DTWD2: variants seen among roughly 807,000 people sequenced by gnomAD.
DTWD2 encodes tRNA-uridine aminocarboxypropyltransferase 2.
In DTWD2, 39 loss-of-function variants were observed where a neutral mutation model predicts 31.8. The ratio of observed to expected loss-of-function variants is 1.22; its 90% CI spans 0.95 to 1.60. The LOEUF (loss-of-function observed/expected upper bound fraction) is 1.60, where lower values mean the gene tolerates loss of function less well. DTWD2 is among the 40% of genes most tolerant of loss of function. The probability of loss-of-function intolerance (pLI) is 0.00; values close to 1 mark genes in which losing one functional copy is unlikely to be tolerated. For missense variants in DTWD2, 515 were observed against 381.5 expected (o/e 1.35, Z -2.92); for synonymous variants, 180 against 142.8 (o/e 1.26, Z -1.86).
intron 5 of DTWD2, among the ~76,000 whole-genome samples, chr5:118,845,089 G>C (rs753783131): frequency 7.9e-5 from 12 of 152,280 alleles, no homozygotes; most frequent in South Asian, 4.1e-4. Context: ...AGAAGTTGCA[G>C]TGAATCAAGA....
At position 118,950,296 on chromosome 5, in the gene DTWD2, C is replaced by T. The variant is rs566738644; in HGVS notation, c.219-5647G>A. On this transcript the variant is annotated intron_variant, in intron 1 of 5. Coordinates refer to ENST00000510708, the MANE Select transcript of DTWD2 (RefSeq NM_173666.4). ...GTTTTAAGAGGTTTAGAAGCCTGGCCATCAATACCTACAACAGTTATGGAG... is the reference window on the plus strand; with the variant it reads ...GTTTTAAGAGGTTTAGAAGCCTGGCTATCAATACCTACAACAGTTATGGAG... Among the ~76,000 whole-genome samples, 103 of 151,560 alleles carry T rather than the reference C, an allele frequency of 6.8e-4. 1 individual carries two copies. Among genetic ancestry groups the T allele is most frequent in the African/African-American group, 2.3e-3 (95 of 41,226 alleles).
chr5:118,939,380 TATGC>T (rs1257823610), intron 2 of DTWD2, 90 bp from the exon 3 acceptor site: 1 of 1,134,544 alleles, frequency 8.8e-7, no homozygotes, highest in Non-Finnish European at 1.2e-6. Context: ...TTCATAACTT[TATGC>T]ATAACTTTCA....
At chr5:118,885,456 CAAAA>C (rs34550372) in intron 4 of DTWD2, among the ~76,000 whole-genome samples, 1 of 57,510 alleles carries the variant, frequency 1.7e-5, no homozygotes. Flanking sequence ...GACTCCACCT[CAAAA>C]AAAAAAAAAA....
chr5:118,857,920 C>A (rs1185238109), intron 4 of DTWD2, among the ~76,000 whole-genome samples: 1 of 152,160 alleles, frequency 6.6e-6, no homozygotes, highest in Non-Finnish European at 1.5e-5. Context: ...CTGCCATCAT[C>A]AAGCGACTAC....
intron 1 of DTWD2, among the ~76,000 whole-genome samples, chr5:118,969,933 T>C (rs913278595): frequency 6.6e-6 from 1 of 152,098 alleles, no homozygotes; most frequent in African/African-American, 2.4e-5. Context: ...CTAAGAATCA[T>C]GATAAAACAA....
In DTWD2 at chr5:118,980,165, T is replaced by C. The variant is rs376043645; in HGVS notation, c.218+8129A>G. ...TTTTCAAAGGTATCTACATGGTGAA[T>C]AGCCCTGAAAGACAGATAAGGTCTC... On this transcript the variant is annotated intron_variant, in intron 1 of 5. Coordinates refer to ENST00000510708, the MANE Select transcript of DTWD2 (RefSeq NM_173666.4). Among the ~76,000 whole-genome samples, 140 of 152,320 alleles carry C rather than the reference T, an allele frequency of 9.2e-4. 1 individual carries two copies. Among genetic ancestry groups the C allele is most frequent in the Non-Finnish European group, 1.7e-3 (117 of 68,022 alleles).
At chr5:118,954,601 C>T (rs530427779) in intron 1 of DTWD2, among the ~76,000 whole-genome samples, 64 of 152,284 alleles carry the variant, frequency 4.2e-4, no homozygotes, top group African/African-American at 1.4e-3. Context: ...GCAACCTCCG[C>T]CTCCCAATTC....
intron 4 of DTWD2, among the ~76,000 whole-genome samples, chr5:118,877,897 C>A (rs569421025): frequency 3.7e-4 from 57 of 152,250 alleles, no homozygotes; most frequent in South Asian, 6.2e-4. Context: ...TATACACCAA[C>A]AACAGTTAAG....
intron 1 of DTWD2, among the ~76,000 whole-genome samples, chr5:118,946,869 T>C (rs957622774): frequency 3.3e-5 from 5 of 152,182 alleles, no homozygotes; most frequent in African/African-American, 1.2e-4. Flanking sequence ...CCCTCCTGAA[T>C]AGCTGAGATT....
chr5:118,847,958 A>C (rs1018295999), intron 5 of DTWD2, 132 bp downstream of exon 5: 13 of 996,574 alleles, frequency 1.3e-5, no homozygotes, highest in Non-Finnish European at 1.7e-5. Flanking sequence ...AGGTTATAAA[A>C]GTACATAAAT....
rs144297764 is a variant in DTWD2, at chr5:118,931,335, C to T, written c.405-2606G>A. The stretch of plus-strand genomic sequence containing the variant: ...GCTTGAGCCTGGGAGGTCAAGGCTA[C>T]AGTGAGTGAACCATGATTGTGCCAC... On this transcript the variant is annotated intron_variant, in intron 3 of 5. Coordinates refer to ENST00000510708, the MANE Select transcript of DTWD2 (RefSeq NM_173666.4). 4.2e-3 allele frequency among the ~76,000 whole-genome samples: 618 copies of T among 145,538 alleles called. 7 individuals carry two copies. The highest frequency in any genetic ancestry group is 0.03 in the East Asian group (148 of 4,920).
At chr5:118,920,557 CTTTT>C (rs998267751) in intron 4 of DTWD2, among the ~76,000 whole-genome samples, 2 of 151,902 alleles carry the variant, frequency 1.3e-5, no homozygotes, top group Admixed American at 6.6e-5. Context: ...CTTCCTAATC[CTTTT>C]TTTATTAGGC....
intron 1 of DTWD2, among the ~76,000 whole-genome samples, chr5:118,982,908 C>T (rs1035584198): frequency 1.1e-4 from 16 of 151,988 alleles, no homozygotes; most frequent in Admixed American, 6.6e-5. Flanking sequence ...AGGCTGGTCT[C>T]GATCTCCTCT....
intron 4 of DTWD2, among the ~76,000 whole-genome samples, chr5:118,866,692 G>A (rs1456366027): frequency 1.3e-5 from 2 of 152,096 alleles, no homozygotes; most frequent in Non-Finnish European, 2.9e-5. Flanking sequence ...CCCAAGAAGG[G>A]CGAATCATGA....
At chr5:118,966,624 A>C (rs983867488) in intron 1 of DTWD2, among the ~76,000 whole-genome samples, 133 of 152,338 alleles carry the variant, frequency 8.7e-4, no homozygotes, top group African/African-American at 2.7e-3. Flanking sequence ...TATAGAAGGA[A>C]AAGTTGATAG....
At chr5:118,950,213 C>CAAAAA (rs764214153) in intron 1 of DTWD2, among the ~76,000 whole-genome samples, 9 of 49,584 alleles carry the variant, frequency 1.8e-4, no homozygotes, top group Non-Finnish European at 2.6e-4. Flanking sequence ...ACTCCATCTC[C>CAAAAA]AAAAAAAAAA....
intron 4 of DTWD2, among the ~76,000 whole-genome samples, chr5:118,886,247 G>C (rs927049682): frequency 6.6e-6 from 1 of 152,232 alleles, no homozygotes. Context: ...AAAAATAAGT[G>C]AAATGTGTGC....
rs112258311 is a variant in DTWD2, at chr5:118,888,677, C to G, written c.597+39860G>C. On this transcript the variant is annotated intron_variant, in intron 4 of 5. Coordinates refer to ENST00000510708, the MANE Select transcript of DTWD2 (RefSeq NM_173666.4). ...GCATATTTAACTTTTCAAGAAACTGCCAAAATACGTTTCAGAGTGATACTA... is the reference window on the plus strand; with the variant it reads ...GCATATTTAACTTTTCAAGAAACTGGCAAAATACGTTTCAGAGTGATACTA... 2.2e-3 allele frequency among the ~76,000 whole-genome samples: 331 copies of G among 152,288 alleles called. 2 individuals carry two copies. Among genetic ancestry groups the G allele is most frequent in the African/African-American group, 7.5e-3 (310 of 41,562 alleles).
intron 1 of DTWD2, among the ~76,000 whole-genome samples, chr5:118,984,013 G>A (rs1274498002): frequency 2.6e-5 from 4 of 152,180 alleles, no homozygotes; most frequent in Non-Finnish European, 4.4e-5. Flanking sequence ...TAGGCTGGGC[G>A]CAGTGGCTCA....
Sources: allele counts gnomAD v4.1 joint callset (sites outside exome capture counted in the v4.1 genomes callset), GRCh38; gene constraint gnomAD v4.1.1; transcripts MANE v1.5; gene names NCBI Gene and HGNC (gene_info 2026-07-23, HGNC 2026-07-21).